PDE10A: variants seen among roughly 807,000 people sequenced by gnomAD.
The protein encoded by PDE10A is cAMP and cAMP-inhibited cGMP 3',5'-cyclic phosphodiesterase 10A.
A neutral mutation model predicts 97.7 loss-of-function variants in PDE10A; 39 were observed. The observed-to-expected ratio is 0.40, with a 90% CI of 0.31 to 0.52. The LOEUF (loss-of-function observed/expected upper bound fraction) is 0.52. PDE10A is among the 20% of genes least tolerant of loss of function. The pLI, the probability that PDE10A is intolerant of heterozygous loss-of-function variation, is 0.56. For missense variants in PDE10A, 731 were observed against 1,047.8 expected (o/e 0.70, Z 4.17); for synonymous variants, 371 against 376.8 (o/e 0.98, Z 0.18).
rs528188460 is a variant in PDE10A, at chr6:165,914,957, A to G, written c.-615+72572T>C. ...TGTTTCTAGAGCAAAAGTGAAATTT[A>G]GAAGATGGGATGCTATTCCACTGGT... On this transcript the variant is annotated intron_variant, in intron 1 of 19. Transcript: ENST00000366882. Among the ~76,000 whole-genome samples the G allele has an allele frequency of 5.3e-5, 8 of 152,340 alleles. No homozygotes were observed. The South Asian group carries it at 1.7e-3, about 32-fold the overall frequency.
intron 1 of PDE10A, among the ~76,000 whole-genome samples, chr6:165,768,656 C>G (rs965162527): frequency 2.0e-5 from 3 of 151,990 alleles, no homozygotes; most frequent in Non-Finnish European, 4.4e-5. Context: ...TTAGGATAAT[C>G]TAGGGTTGGA....
chr6:165,533,284 T>C (rs4709946), intron 2 of PDE10A, among the ~76,000 whole-genome samples: 7,914 of 152,240 alleles, frequency 0.052, 315 homozygotes, highest in East Asian at 0.19. Flanking sequence ...AAACGCATTG[T>C]TGTAATTCAC....
intron 15 of PDE10A, among the ~76,000 whole-genome samples, chr6:165,394,512 G>A (rs1785984616): frequency 6.6e-6 from 1 of 152,110 alleles, no homozygotes; most frequent in Non-Finnish European, 1.5e-5. Context: ...ATTATGAACA[G>A]TGCCACAATA....
chr6:165,692,867 C>T (rs1344305025), intron 1 of PDE10A, among the ~76,000 whole-genome samples: 6 of 152,252 alleles, frequency 3.9e-5, no homozygotes, highest in Admixed American at 1.3e-4. Context: ...ACAGGAGAAG[C>T]GGAATACTGC....
intron 1 of PDE10A, among the ~76,000 whole-genome samples, chr6:165,952,993 G>T (rs2128495577): frequency 6.6e-6 from 1 of 152,294 alleles, no homozygotes; most frequent in African/African-American, 2.4e-5. Flanking sequence ...AGCATTAGAG[G>T]AAATTCTGAA....
At chr6:165,763,443 C>T (rs113360532) in intron 1 of PDE10A, among the ~76,000 whole-genome samples, 1 of 152,078 alleles carries the variant, frequency 6.6e-6, no homozygotes, top group Non-Finnish European at 1.5e-5. Flanking sequence ...GTGCCTCAGC[C>T]CCCCCAGTAG....
At chr6:165,738,013 TA>T (rs1431974975) in intron 1 of PDE10A, among the ~76,000 whole-genome samples, 3 of 135,430 alleles carry the variant, frequency 2.2e-5, no homozygotes, top group Admixed American at 1.5e-4. Context: ...TATTTTATTT[TA>T]TTTTTTTATT....
intron 1 of PDE10A, among the ~76,000 whole-genome samples, chr6:165,676,478 G>A (rs1790798797): frequency 6.6e-6 from 1 of 152,238 alleles, no homozygotes; most frequent in African/African-American, 2.4e-5. Context: ...GGGTCAGGGT[G>A]CTGGGCAGGT....
At chr6:165,657,953 A>G (rs1790048209) in intron 1 of PDE10A, among the ~76,000 whole-genome samples, 1 of 152,126 alleles carries the variant, frequency 6.6e-6, no homozygotes, top group African/African-American at 2.4e-5. Context: ...CTATATTTCA[A>G]GTCCTTTGGG....
intron 1 of PDE10A, among the ~76,000 whole-genome samples, chr6:165,789,040 A>T (rs1348791656): frequency 6.6e-6 from 1 of 152,094 alleles, no homozygotes; most frequent in Non-Finnish European, 1.5e-5. Context: ...AAGGAGGCCG[A>T]GGGAGGGGCA....
chr6:165,829,707 C>T (rs569136890), intron 1 of PDE10A, among the ~76,000 whole-genome samples: 10 of 152,328 alleles, frequency 6.6e-5, no homozygotes, highest in Admixed American at 2.6e-4. Flanking sequence ...CTCAAGTTTC[C>T]GAACTCTTAC....
At position 165,542,736 on chromosome 6, in the gene PDE10A, A is replaced by G. The variant is rs557250499; in HGVS notation, c.994+704T>C. On this transcript the variant is annotated intron_variant, in intron 2 of 21. Transcript: ENST00000539869. The stretch of plus-strand genomic sequence containing the variant: ...CGGGTTCACGCCATTCTCCTGCCTC[A>G]GCCTCCTGAGTAGCTGGGACTACAG... Among the ~76,000 whole-genome samples the G allele has an allele frequency of 5.5e-4, 81 of 146,984 alleles. 1 individual carries two copies. The highest frequency in any genetic ancestry group is 1.9e-3 in the African/African-American group (75 of 39,694).
At chr6:165,888,563 C>T (rs530098751) in intron 1 of PDE10A, among the ~76,000 whole-genome samples, 4 of 152,300 alleles carry the variant, frequency 2.6e-5, no homozygotes, top group East Asian at 1.9e-4. Context: ...AGATTACAGG[C>T]GTGAGCCACC....
intron 1 of PDE10A, among the ~76,000 whole-genome samples, chr6:165,745,746 C>T (rs755168901): frequency 2.6e-5 from 4 of 152,132 alleles, no homozygotes; most frequent in Non-Finnish European, 5.9e-5. Flanking sequence ...CTCATAAGGA[C>T]ATGTACTTCT....
chr6:165,616,403 T>C (rs1787728459), intron 1 of PDE10A, among the ~76,000 whole-genome samples: 1 of 152,090 alleles, frequency 6.6e-6, no homozygotes, highest in Non-Finnish European at 1.5e-5. Context: ...TGGCAGGCAG[T>C]AGGAAAACAC....
intron 2 of PDE10A, among the ~76,000 whole-genome samples, chr6:165,514,615 T>C (rs1562537270): frequency 1.3e-5 from 2 of 152,202 alleles, no homozygotes. Context: ...CACAGGCTAG[T>C]AGAGCCTGGC....
At chr6:165,550,495 AG>A (rs1783957916) in intron 1 of PDE10A, among the ~76,000 whole-genome samples, 2 of 152,212 alleles carry the variant, frequency 1.3e-5, no homozygotes, top group African/African-American at 4.8e-5. Context: ...CAGTTATCAA[AG>A]AACAGCTTGA....
chr6:165,789,654 G>A (rs920434153), intron 1 of PDE10A, among the ~76,000 whole-genome samples: 2 of 152,178 alleles, frequency 1.3e-5, no homozygotes, highest in African/African-American at 4.8e-5. Context: ...AGAAGAATGG[G>A]TTTTCCCACA....
rs192654776 is a variant in PDE10A at position 165,513,479 on chromosome 6, A to G, written c.994+29961T>C. Among the ~76,000 whole-genome samples, 447 of 152,224 alleles carry G rather than the reference A, an allele frequency of 2.9e-3. 3 individuals carry two copies. The highest frequency in any genetic ancestry group is 6.0e-4 in the Non-Finnish European group (41 of 67,946). ...GAATCATGTAATGCAAATCCTTCAT[A>G]TTGAACTTCATTTTAAAATATTATT... On this transcript the variant is annotated intron_variant, in intron 2 of 21. Coordinates refer to ENST00000539869, the MANE Select transcript of PDE10A (RefSeq NM_001385079.1).
Sources: allele counts gnomAD v4.1 joint callset (sites outside exome capture counted in the v4.1 genomes callset), GRCh38; gene constraint gnomAD v4.1.1; transcripts MANE v1.5; gene names NCBI Gene and HGNC (gene_info 2026-07-23, HGNC 2026-07-21).